Variants in UBE3D observed in about 807,000 individuals in gnomAD.
The protein encoded by UBE3D is E3 ubiquitin-protein ligase E3D.
Under a neutral mutation model 49.6 loss-of-function variants are expected in UBE3D, and 48 were observed. The observed-to-expected ratio is 0.97, with a 90% CI of 0.77 to 1.23. The LOEUF is 1.23. Ranked by LOEUF, UBE3D falls within the 50% of genes most tolerant of loss-of-function variation. The probability of loss-of-function intolerance (pLI) is 0.00; values close to 1 mark genes in which losing one functional copy is unlikely to be tolerated. For missense variants in UBE3D, 452 were observed against 468.4 expected (o/e 0.96, Z 0.32); for synonymous variants, 189 against 174.2 (o/e 1.08, Z -0.67).
chr6:82,881,687 T>C, the UBE3D span, among the ~76,000 whole-genome samples: 2 of 152,174 alleles, frequency 1.3e-5, no homozygotes, highest in African/African-American at 4.8e-5. Flanking sequence ...CCTCTTCTCT[T>C]TCTCTGTCCC....
At chr6:83,053,353 G>A (rs533652405) in intron 3 of UBE3D, among the ~76,000 whole-genome samples, 38 of 152,230 alleles carry the variant, frequency 2.5e-4, no homozygotes, top group African/African-American at 8.7e-4. Context: ...ATAAGTCTTA[G>A]GAACATGGCT....
intron 8 of UBE3D, among the ~76,000 whole-genome samples, chr6:82,987,168 T>C (rs1047124388): frequency 2.0e-4 from 31 of 152,100 alleles, no homozygotes; most frequent in African/African-American, 7.2e-4. Flanking sequence ...GGTCTTGCTA[T>C]GTTTTCTTTC....
intron 8 of UBE3D, 86 bp downstream of exon 8, chr6:83,018,887 G>A: frequency 1.4e-6 from 2 of 1,471,014 alleles, no homozygotes; most frequent in Non-Finnish European, 9.3e-7. Flanking sequence ...TGGTATAGTG[G>A]CATTTAATTC....
chr6:83,058,242 C>A (rs954762130), intron 1 of UBE3D, among the ~76,000 whole-genome samples: 5 of 152,090 alleles, frequency 3.3e-5, no homozygotes, highest in Admixed American at 2.0e-4. Context: ...ATATGCAAGT[C>A]CTGGGACAGA....
At chr6:82,992,986 T>C (rs548176959) in intron 8 of UBE3D, among the ~76,000 whole-genome samples, 2 of 152,038 alleles carry the variant, frequency 1.3e-5, no homozygotes, top group South Asian at 4.2e-4. Flanking sequence ...AATTTTGTAG[T>C]TTTTATTTAC....
chr6:82,964,663 A>G lies in UBE3D; in HGVS notation c.1011-7213T>C, dbSNP rs144994179. On this transcript the variant is annotated intron_variant, in intron 8 of 9. Coordinates refer to ENST00000369747, the MANE Select transcript of UBE3D (RefSeq NM_198920.3). Reference sequence around the variant, plus strand: ...ATTTAAGCTCACAAACTAGCAAAACAAGCAAATTGCAACAACTTAGTGATA... The same window carrying G: ...ATTTAAGCTCACAAACTAGCAAAACGAGCAAATTGCAACAACTTAGTGATA... Among the ~76,000 whole-genome samples, 457 of 152,326 alleles carry G rather than the reference A, an allele frequency of 3.0e-3. 3 individuals carry two copies. Among genetic ancestry groups the G allele is most frequent in the African/African-American group, 0.01 (429 of 41,584 alleles).
At chr6:82,997,913 T>C (rs544775058) in intron 8 of UBE3D, among the ~76,000 whole-genome samples, 1 of 152,316 alleles carries the variant, frequency 6.6e-6, no homozygotes, top group South Asian at 2.1e-4. Context: ...GATTTGAAAT[T>C]ATTTTACAAG....
At chr6:83,055,350 T>C (rs999417242) in intron 2 of UBE3D, among the ~76,000 whole-genome samples, 1 of 152,234 alleles carries the variant, frequency 6.6e-6, no homozygotes, top group Non-Finnish European at 1.5e-5. Flanking sequence ...GTATGTATTT[T>C]AAGATTTTAA....
chr6:82,998,172 C>T (rs980463994), intron 8 of UBE3D, among the ~76,000 whole-genome samples: 2 of 152,206 alleles, frequency 1.3e-5, no homozygotes, highest in Admixed American at 6.5e-5. Context: ...CTAGACTTAA[C>T]AGTGGGAACT....
intron 9 of UBE3D, among the ~76,000 whole-genome samples, chr6:82,905,261 A>T (rs1368027711): frequency 6.6e-6 from 1 of 152,156 alleles, no homozygotes; most frequent in Admixed American, 6.5e-5. Context: ...CATTTTTCCA[A>T]CAACATGTGC....
At chr6:82,961,256 T>G (rs970076781) in intron 8 of UBE3D, among the ~76,000 whole-genome samples, 1 of 152,254 alleles carries the variant, frequency 6.6e-6, no homozygotes, top group African/African-American at 2.4e-5. Context: ...TAGTTAATTA[T>G]GGCTATAACA....
At chr6:83,043,439 A>C (rs1782810654) in intron 4 of UBE3D, among the ~76,000 whole-genome samples, 1 of 152,216 alleles carries the variant, frequency 6.6e-6, no homozygotes, top group Non-Finnish European at 1.5e-5. Context: ...ATTTCACCAA[A>C]GTGAACCATA....
chr6:82,980,360 C>G (rs62419169), intron 8 of UBE3D, among the ~76,000 whole-genome samples: 1 of 151,786 alleles, frequency 6.6e-6, no homozygotes, highest in Non-Finnish European at 1.5e-5. Context: ...TTTTCTCATG[C>G]TTGTTGAACA....
At chr6:82,916,628 C>G (rs1244511675) in intron 9 of UBE3D, among the ~76,000 whole-genome samples, 1 of 152,146 alleles carries the variant, frequency 6.6e-6, no homozygotes, top group Non-Finnish European at 1.5e-5. Context: ...GCAGAAAATA[C>G]AAATCTGACA....
intron 8 of UBE3D, among the ~76,000 whole-genome samples, chr6:82,986,059 A>T (rs1778468387): frequency 6.6e-6 from 1 of 152,212 alleles, no homozygotes; most frequent in South Asian, 2.1e-4. Flanking sequence ...ACAAAATTTG[A>T]TGGCATTTTT....
At chr6:82,923,481 T>G (rs1196662770) in intron 9 of UBE3D, among the ~76,000 whole-genome samples, 1 of 152,170 alleles carries the variant, frequency 6.6e-6, no homozygotes, top group Non-Finnish European at 1.5e-5. Context: ...ACACTGCATG[T>G]TCTCACTCAT....
intron 8 of UBE3D, among the ~76,000 whole-genome samples, chr6:82,975,646 CT>C (rs1307288829): frequency 6.6e-6 from 1 of 152,048 alleles, no homozygotes; most frequent in Non-Finnish European, 1.5e-5. Flanking sequence ...ATTAACATTA[CT>C]TTTATATGAG....
intron 5 of UBE3D, among the ~76,000 whole-genome samples, chr6:83,028,516 C>T (rs1177538867): frequency 6.6e-6 from 1 of 152,112 alleles, no homozygotes; most frequent in Non-Finnish European, 1.5e-5. Context: ...ACTGTGAGGG[C>T]ACAACATTTA....
chr6:82,929,820 A>G (rs1384709708), intron 9 of UBE3D, among the ~76,000 whole-genome samples: 3 of 152,172 alleles, frequency 2.0e-5, no homozygotes, highest in Admixed American at 1.3e-4. Flanking sequence ...CCACACATGT[A>G]TAGCCTCCCA....
Sources: gnomAD v4.1 joint callset for allele counts (sites outside exome capture counted in the v4.1 genomes callset) on GRCh38, gnomAD v4.1.1 for gene constraint, MANE v1.5 for transcripts, NCBI Gene and HGNC (gene_info 2026-07-23, HGNC 2026-07-21) for gene names.